The following KIF26B variants were observed in gnomAD, a reference collection of about 807,000 sequenced individuals.
KIF26B encodes the protein kinesin-like protein KIF26B.
In KIF26B, 63 loss-of-function variants were observed where a neutral mutation model predicts 151.2. The ratio of observed to expected loss-of-function variants is 0.42; its 90% CI spans 0.34 to 0.51. The LOEUF is 0.51. Ranked by LOEUF, KIF26B falls within the 20% of genes least tolerant of loss-of-function variation. KIF26B has a pLI of 0.07. For synonymous variants in KIF26B, 1,357 were observed against 1,262.1 expected (o/e 1.08, Z -1.59); for missense variants, 2,813 against 2,913.6 (o/e 0.97, Z 0.79).
At position 245,702,827 on chromosome 1, in the gene KIF26B, C is replaced by T. The variant is rs995535133; in HGVS notation, c.*221C>T. Reference sequence around the variant, plus strand: ...TGGAAGGAGAAAAGGATGGGAAGCCCGAGGGGTGTCCAAGCCCTGTGAGAC... The same window carrying T: ...TGGAAGGAGAAAAGGATGGGAAGCCTGAGGGGTGTCCAAGCCCTGTGAGAC... On this transcript the variant is annotated 3_prime_UTR_variant, in exon 15 of 15. Coordinates refer to ENST00000407071, the MANE Select transcript of KIF26B (RefSeq NM_018012.4). This position sits in a 1 kb window ranked among gnomAD's most constrained non-coding sequence, Gnocchi z 4.1. 8 of 487,214 alleles carry T rather than the reference C, an allele frequency of 1.6e-5. No homozygotes were observed. Among genetic ancestry groups the T allele is most frequent in the Middle Eastern group, 5.3e-4 (1 of 1,886 alleles). 30.2% of individuals were successfully genotyped at this position (487,214 alleles called of 1,614,324 possible). A position where few individuals can be genotyped will look rare whatever the true frequency, so the allele number is the denominator to read the frequency against.
chr1:245,524,975 C>T (rs548869589), intron 4 of KIF26B, among the ~76,000 whole-genome samples: 4 of 152,194 alleles, frequency 2.6e-5, no homozygotes, highest in Admixed American at 1.3e-4. Flanking sequence ...CCACTTGTTC[C>T]GTCTTCCTCT....
chr1:245,333,235 A>G (rs1469291552), intron 2 of KIF26B, among the ~76,000 whole-genome samples: 1 of 152,234 alleles, frequency 6.6e-6, no homozygotes, highest in Admixed American at 6.5e-5. Flanking sequence ...TGTGGTCTCT[A>G]CATACAATAG....
chr1:245,172,536 A>G lies in KIF26B; in HGVS notation c.465+15853A>G, dbSNP rs1295480447. ...TCCAAAGTGGGTGGCCCAGCTGGGC[A>G]TGGTGGCTCACACCTGTAATGCCAG... On this transcript the variant is annotated intron_variant, in intron 2 of 14. Transcript: ENST00000407071. 4.6e-5 allele frequency among the ~76,000 whole-genome samples: 7 copies of G among 152,286 alleles called. No homozygotes were observed. The East Asian group carries it at 1.2e-3, about 25-fold the overall frequency.
In KIF26B at chr1:245,241,308, G is replaced by T. The variant is rs1211775013; in HGVS notation, c.465+84625G>T. ...AGGGTGCCCCGACAGAGGAAAAGCG[G>T]CCGGTGGGTTTTAGATCCTCATTTG... On this transcript the variant is annotated intron_variant, in intron 2 of 14. Coordinates refer to ENST00000407071, the MANE Select transcript of KIF26B (RefSeq NM_018012.4). The surrounding 1 kb of genome is among the most constrained non-coding windows in gnomAD (Gnocchi z 5.0). 1.3e-5 allele frequency among the ~76,000 whole-genome samples: 2 copies of T among 152,070 alleles called. No homozygotes were observed. Among genetic ancestry groups the T allele is most frequent in the Non-Finnish European group, 2.9e-5 (2 of 68,002 alleles).
At chr1:245,618,811 G>A (rs1205139181) in intron 9 of KIF26B, among the ~76,000 whole-genome samples, 3 of 147,790 alleles carry the variant, frequency 2.0e-5, no homozygotes, top group Non-Finnish European at 4.5e-5. Context: ...TCCGCTGCAT[G>A]CTGTTGGTGA....
intron 10 of KIF26B, among the ~76,000 whole-genome samples, chr1:245,662,146 CATAT>C (rs919125226): frequency 6.7e-6 from 1 of 149,598 alleles, no homozygotes; most frequent in South Asian, 2.1e-4. Context: ...ACACACACCC[CATAT>C]ATATATACCC....
chr1:245,166,955 G>A lies in KIF26B; in HGVS notation c.465+10272G>A, dbSNP rs1283421546. 2.0e-5 allele frequency among the ~76,000 whole-genome samples: 3 copies of A among 152,190 alleles called. No homozygotes were observed. The highest frequency in any genetic ancestry group is 7.2e-5 in the African/African-American group (3 of 41,436). On this transcript the variant is annotated intron_variant, in intron 2 of 14. Coordinates refer to ENST00000407071, the MANE Select transcript of KIF26B (RefSeq NM_018012.4). The surrounding 1 kb of genome is among the most constrained non-coding windows in gnomAD (Gnocchi z 4.5). ...AGCAAAGCAGAAGGCTCTGAGGGTA[G>A]AGTAAGTATTATTAATTTTTTAAAT...
rs558660501 is a variant in KIF26B, at chr1:245,647,318, A to G, written c.2258+1038A>G. 3.7e-3 allele frequency among the ~76,000 whole-genome samples: 545 copies of G among 148,064 alleles called. 2 individuals are homozygous for G. Among genetic ancestry groups the G allele is most frequent in the African/African-American group, 0.013 (505 of 40,132 alleles). ...TGGGCACCTGTAGTCCCAGCTACTC[A>G]GGAGGCTGAGGCAGGAGAATGGCAT... On this transcript the variant is annotated intron_variant, in intron 10 of 14. Transcript: ENST00000407071.
intron 2 of KIF26B, among the ~76,000 whole-genome samples, chr1:245,199,813 GTCCATCCA>G (rs34903536): frequency 0.053 from 3,418 of 64,446 alleles, 116 homozygotes; most frequent in African/African-American, 0.16. Flanking sequence ...TCATCCATCT[GTCCATCCA>G]TCCATCCATC....
chr1:245,172,910 T>G (rs767152088), intron 2 of KIF26B, among the ~76,000 whole-genome samples: 4 of 152,342 alleles, frequency 2.6e-5, no homozygotes, highest in South Asian at 2.1e-4. Flanking sequence ...TTTTAACAAG[T>G]GATGATACCG....
chr1:245,653,578 G>T (rs1224634597), intron 10 of KIF26B, among the ~76,000 whole-genome samples: 1 of 152,120 alleles, frequency 6.6e-6, no homozygotes, highest in Non-Finnish European at 1.5e-5. Context: ...GACACAGAAA[G>T]GTTGAGTATC....
intron 3 of KIF26B, among the ~76,000 whole-genome samples, chr1:245,379,303 T>C (rs112989508): frequency 0.038 from 5,777 of 152,232 alleles, 156 homozygotes; most frequent in African/African-American, 0.066. Flanking sequence ...TGACCAGTTT[T>C]CCCCCATATT....
chr1:245,470,755 T>C, intron 4 of KIF26B, among the ~76,000 whole-genome samples: 1 of 152,084 alleles, frequency 6.6e-6, no homozygotes, highest in Non-Finnish European at 1.5e-5. Flanking sequence ...GTCTTTGCTC[T>C]GTGTCTCCTG....
rs914696484 is a variant in KIF26B at position 245,480,288 on chromosome 1, G to GA, written c.1167-60471dup. On this transcript the variant is annotated intron_variant, in intron 4 of 14. Transcript: ENST00000407071. Reference sequence around the variant, plus strand: ...AGACCCTGTCTCGGGGGGGAGGAAAGAAAAAAAACTGCCGAACTACATGCA... The same window carrying GA: ...AGACCCTGTCTCGGGGGGGAGGAAAGAAAAAAAAACTGCCGAACTACATGCA... Among the ~76,000 whole-genome samples the GA allele has an allele frequency of 1.1e-4, 16 of 150,844 alleles. 1 individual carries two copies. Among genetic ancestry groups the GA allele is most frequent in the Non-Finnish European group, 1.8e-4 (12 of 67,376 alleles).
At chr1:245,505,683 T>C (rs1251238685) in intron 4 of KIF26B, among the ~76,000 whole-genome samples, 2 of 152,206 alleles carry the variant, frequency 1.3e-5, no homozygotes, top group East Asian at 1.9e-4. Context: ...CTGCGGCTCA[T>C]ACATAAAGCA....
At chr1:245,356,521 T>C (rs944725806) in intron 2 of KIF26B, among the ~76,000 whole-genome samples, 5 of 151,964 alleles carry the variant, frequency 3.3e-5, no homozygotes, top group South Asian at 2.1e-4. Flanking sequence ...TGCACCATTG[T>C]ACTCCAGCCT....
chr1:245,548,920 T>C (rs901356680), intron 5 of KIF26B, among the ~76,000 whole-genome samples: 3 of 152,104 alleles, frequency 2.0e-5, no homozygotes, highest in African/African-American at 7.2e-5. Context: ...ACTTTTTGTA[T>C]TTTTAGTAGA....
rs564120168 is a variant in KIF26B at position 245,321,977 on chromosome 1, C to T, written c.466-44857C>T. 1.6e-4 allele frequency among the ~76,000 whole-genome samples: 24 copies of T among 152,266 alleles called. No individual in the cohort carries two copies. The South Asian group carries it at 5.0e-3, about 32-fold the overall frequency. Reference sequence around the variant, plus strand: ...TGAGATCTTGGAACCAACCCAAATGCCCATCAATGATAGACTGGATAAAGA... The same window carrying T: ...TGAGATCTTGGAACCAACCCAAATGTCCATCAATGATAGACTGGATAAAGA... On this transcript the variant is annotated intron_variant, in intron 2 of 14. Transcript: ENST00000407071.
chr1:245,443,932 A>G (rs1659183865), intron 4 of KIF26B, among the ~76,000 whole-genome samples: 1 of 119,338 alleles, frequency 8.4e-6, no homozygotes, highest in African/African-American at 3.2e-5. Flanking sequence ...CATCTCCCTC[A>G]CTGTTCACCT....
Sources: allele counts gnomAD v4.1 joint callset (sites outside exome capture counted in the v4.1 genomes callset), GRCh38; gene constraint gnomAD v4.1.1; non-coding constraint Gnocchi (gnomAD v3.1); transcripts MANE v1.5; gene names NCBI Gene and HGNC (gene_info 2026-07-23, HGNC 2026-07-21).